Variants in TOX3 observed in about 807,000 individuals in gnomAD.
TOX3 encodes CAG trinucleotide repeat-containing gene F9 protein.
A neutral mutation model predicts 64.3 loss-of-function variants in TOX3; 22 were observed. The ratio of observed to expected loss-of-function variants is 0.34; its 90% CI spans 0.24 to 0.49. The LOEUF (loss-of-function observed/expected upper bound fraction) is 0.49, where lower values mean the gene tolerates loss of function less well. Ranked by LOEUF, TOX3 falls within the 20% of genes least tolerant of loss-of-function variation. TOX3 has a pLI of 0.99. For missense variants in TOX3, 661 were observed against 714.4 expected, an observed-to-expected ratio of 0.93 and a Z score of 0.85; for synonymous variants, 291 against 273.6, an observed-to-expected ratio of 1.06 and a Z score of -0.63.
intron 1 of TOX3, among the ~76,000 whole-genome samples, chr16:52,536,676 T>TATAC (rs1555488494): frequency 7.7e-4 from 60 of 78,384 alleles, no homozygotes; most frequent in African/African-American, 2.4e-3. Context: ...TATATATATA[T>TATAC]ACATGTGTAT....
chr16:52,476,504 C>CT (rs906627927), intron 1 of TOX3, among the ~76,000 whole-genome samples: 139 of 146,194 alleles, frequency 9.5e-4, no homozygotes, highest in Middle Eastern at 6.9e-3. Flanking sequence ...TTTTTTCTTG[C>CT]TTTTTTTTTT....
In TOX3 at chr16:52,459,806, C is replaced by T. The variant is rs547141472; in HGVS notation, c.408+4128G>A. On this transcript the variant is annotated intron_variant, in intron 3 of 6. Coordinates refer to ENST00000219746, the MANE Select transcript of TOX3 (RefSeq NM_001080430.4). ...TATTAATTGAAAGTCTGCTATTTCT[C>T]TTAACGTAAGATTTTTTTAAGTATA... 4.6e-5 allele frequency among the ~76,000 whole-genome samples: 7 copies of T among 152,116 alleles called. No homozygotes were observed. In the East Asian group the frequency reaches 7.7e-4, roughly 17 times the overall value.
chr16:52,490,626 ATT>A (rs3086679), intron 1 of TOX3, among the ~76,000 whole-genome samples: 152 of 99,018 alleles, frequency 1.5e-3, no homozygotes, highest in African/African-American at 4.8e-3. Context: ...CTAGGATGTA[ATT>A]TTTTTTTTTT....
chr16:52,446,070 T>C lies in TOX3; in HGVS notation c.830A>G (p.Asn277Ser), dbSNP rs757143628. 6.2e-7 allele frequency: 1 copy of C among 1,613,902 alleles called. No individual in the cohort carries two copies. The highest frequency in any genetic ancestry group is 2.2e-5 in the East Asian group (1 of 44,872). ...RDTQAAIKGQNPNATFGEVSK... is the reference protein window; with the variant it reads ...RDTQAAIKGQSPNATFGEVSK... ...GACCTCTCCAAAGGTTGCATTGGGGTTTTGACCTTTAATTGCAGCCTGTGT... is the reference window on the plus strand; with the variant it reads ...GACCTCTCCAAAGGTTGCATTGGGGCTTTGACCTTTAATTGCAGCCTGTGT... The change falls in exon 5 of 7, where the codon AAC (asparagine) becomes AGC (serine). Residue 277 changes from asparagine (N) to serine (S), a missense_variant. Asn to Ser is a conservative substitution (Grantham distance 46). Around this residue, in one of 3 missense-constraint regions of TOX3, gnomAD observed 103 missense variants for 161.2 expected, o/e 0.64. Transcript: ENST00000219746.
chr16:52,493,984 G>A (rs1298060321), intron 1 of TOX3, among the ~76,000 whole-genome samples: 1 of 152,084 alleles, frequency 6.6e-6, no homozygotes, highest in Non-Finnish European at 1.5e-5. Context: ...TATCTTAGGA[G>A]AACAGATATT....
intron 4 of TOX3, among the ~76,000 whole-genome samples, chr16:52,448,914 T>C (rs1762352444): frequency 6.6e-6 from 1 of 152,190 alleles, no homozygotes; most frequent in Admixed American, 6.5e-5. Flanking sequence ...GGGAGAACAC[T>C]CCTCTCTTTG....
chr16:52,491,677 C>A (rs777704270), intron 1 of TOX3, among the ~76,000 whole-genome samples: 1 of 152,038 alleles, frequency 6.6e-6, no homozygotes, highest in African/African-American at 2.4e-5. Flanking sequence ...TTTTTGCTCC[C>A]TCTTTTGTTC....
intron 4 of TOX3, 43 bp from the exon 5 acceptor site, chr16:52,446,264 A>T: frequency 6.3e-7 from 1 of 1,583,472 alleles, no homozygotes; most frequent in Non-Finnish European, 8.6e-7. Flanking sequence ...ATGTACTTGC[A>T]GAGAATGCAA....
chr16:52,541,678 C>G (rs530509325), intron 1 of TOX3, among the ~76,000 whole-genome samples: 28 of 152,326 alleles, frequency 1.8e-4, no homozygotes, highest in Admixed American at 1.1e-3. Context: ...TCGACACATA[C>G]TTTGAAAACT....
At chr16:52,475,378 G>GA (rs1186596488) in intron 1 of TOX3, among the ~76,000 whole-genome samples, 1 of 152,130 alleles carries the variant, frequency 6.6e-6, no homozygotes, top group African/African-American at 2.4e-5. Flanking sequence ...GTGAAAATAA[G>GA]ATGTCCAGCA....
intron 1 of TOX3, among the ~76,000 whole-genome samples, chr16:52,497,635 G>A (rs1961884110): frequency 6.6e-6 from 1 of 152,168 alleles, no homozygotes; most frequent in Non-Finnish European, 1.5e-5. Flanking sequence ...TGGCTAGGAT[G>A]TTTGCTTTGC....
At chr16:52,514,019 A>C (rs1962379905) in intron 1 of TOX3, among the ~76,000 whole-genome samples, 1 of 152,238 alleles carries the variant, frequency 6.6e-6, no homozygotes, top group African/African-American at 2.4e-5. Context: ...TACAGAAAGA[A>C]GTATTCTGGG....
At chr16:52,477,332 G>A (rs1312624589) in intron 1 of TOX3, among the ~76,000 whole-genome samples, 1 of 152,176 alleles carries the variant, frequency 6.6e-6, no homozygotes, top group Non-Finnish European at 1.5e-5. Context: ...TATTAAATAA[G>A]AGTGTCCACA....
chr16:52,471,910 G>GCC lies in TOX3; in HGVS notation c.88-3337_88-3336insGG, dbSNP rs552073455. On this transcript the variant is annotated intron_variant, in intron 1 of 6. Transcript: ENST00000219746. ...GCCGAAGGTTATAGATTCAACCACG[G>GCC]AAGTCTAGCCTCCTCCCTACCTCAT... Among the ~76,000 whole-genome samples, 392 of 152,278 alleles carry GCC rather than the reference G, an allele frequency of 2.6e-3. 12 individuals carry two copies. In the South Asian group the frequency reaches 0.06, roughly 23 times the overall value.
chr16:52,482,643 A>C (rs989485609), intron 1 of TOX3, among the ~76,000 whole-genome samples: 2 of 152,152 alleles, frequency 1.3e-5, no homozygotes, highest in African/African-American at 2.4e-5. Context: ...TTGGAGAGAA[A>C]ATTCTTGTTG....
intron 1 of TOX3, among the ~76,000 whole-genome samples, chr16:52,518,410 T>C (rs1174001791): frequency 1.3e-5 from 2 of 152,212 alleles, no homozygotes; most frequent in Admixed American, 6.5e-5. Flanking sequence ...GAAATAGATA[T>C]TTTGCATAGT....
At chr16:52,516,880 T>C (rs1962472943) in intron 1 of TOX3, among the ~76,000 whole-genome samples, 1 of 152,150 alleles carries the variant, frequency 6.6e-6, no homozygotes, top group Non-Finnish European at 1.5e-5. Context: ...ACATTTAAAA[T>C]TGGCAGATTT....
intron 1 of TOX3, chr16:52,519,529 G>A: frequency 6.5e-7 from 1 of 1,544,600 alleles, no homozygotes; most frequent in Non-Finnish European, 8.8e-7. Context: ...ACCCTCTTCT[G>A]ACTCTTCTGT....
intron 1 of TOX3, among the ~76,000 whole-genome samples, chr16:52,537,812 G>A (rs546981173): frequency 1.3e-5 from 2 of 148,620 alleles, no homozygotes; most frequent in African/African-American, 2.5e-5. Flanking sequence ...GCTGAGCTGT[G>A]AGAATGTAAC....
Sources: gnomAD v4.1 joint callset for allele counts (sites outside exome capture counted in the v4.1 genomes callset) on GRCh38, gnomAD v4.1.1 for gene constraint, gnomAD v4.1.1 regional missense constraint, MANE v1.5 for transcripts, NCBI Gene and HGNC (gene_info 2026-07-23, HGNC 2026-07-21) for gene names.